HMG20A: variants seen among roughly 807,000 people sequenced by gnomAD.
HMG20A encodes high mobility group protein 20A.
A neutral mutation model predicts 43.9 loss-of-function variants in HMG20A; 17 were observed. That is an observed-to-expected ratio of 0.39 (90% confidence interval 0.27 to 0.58). HMG20A has a LOEUF of 0.58. HMG20A is among the 20% of genes least tolerant of loss of function. HMG20A has a pLI of 0.59. For synonymous variants in HMG20A, 132 were observed against 147.5 expected (o/e 0.89, Z 0.76); for missense variants, 341 against 438.2 (o/e 0.78, Z 1.98).
chr15:77,488,019 T>C (rs2072954709), downstream of HMG20A, among the ~76,000 whole-genome samples: 2 of 152,174 alleles, frequency 1.3e-5, no homozygotes, highest in African/African-American at 4.8e-5. Flanking sequence ...GGTAGAAATG[T>C]AAATTCTCTT....
At chr15:77,439,547 T>C (rs1298503352) in intron 1 of HMG20A, among the ~76,000 whole-genome samples, 2 of 152,204 alleles carry the variant, frequency 1.3e-5, no homozygotes, top group Non-Finnish European at 2.9e-5. Context: ...ATGAAATTCA[T>C]CCATGTTGCA....
chr15:77,483,318 T>C lies in HMG20A; in HGVS notation c.*355T>C, dbSNP rs1282734399. ...TCTGCTGCTGCAGAAAGGAAGACTT[T>C]TCATTGTAATTTCGCTTAGACCCTT... On this transcript the variant is annotated 3_prime_UTR_variant, in exon 10 of 10. Transcript: ENST00000336216. 1 of 152,250 alleles carries C rather than the reference T, an allele frequency of 6.6e-6. No individual in the cohort carries two copies. Among genetic ancestry groups the C allele is most frequent in the African/African-American group, 2.4e-5 (1 of 41,456 alleles). The allele number at this position is 152,250 out of a possible 1,614,324, so 9.4% of individuals were successfully genotyped here.
intron 2 of HMG20A, among the ~76,000 whole-genome samples, chr15:77,461,264 A>C (rs529655633): frequency 6.6e-6 from 1 of 152,306 alleles, no homozygotes; most frequent in East Asian, 1.9e-4. Context: ...AAGTGGACTT[A>C]AGGGAGGAGA....
chr15:77,430,689 C>T (rs771684285), intron 1 of HMG20A, among the ~76,000 whole-genome samples: 2 of 152,106 alleles, frequency 1.3e-5, no homozygotes, highest in Non-Finnish European at 2.9e-5. Context: ...GGTCAAGATC[C>T]CTAGAGAAGG....
the HMG20A span, among the ~76,000 whole-genome samples, chr15:77,511,728 T>C: frequency 6.6e-6 from 1 of 152,124 alleles, no homozygotes; most frequent in Non-Finnish European, 1.5e-5. Context: ...CTCACACCCA[T>C]TAGGATGGCT....
chr15:77,486,207 C>G (rs1176816026), downstream of HMG20A, among the ~76,000 whole-genome samples: 1 of 151,644 alleles, frequency 6.6e-6, no homozygotes, highest in Non-Finnish European at 1.5e-5. Context: ...CTCTGATGTC[C>G]CCTTGATAGA....
At chr15:77,427,279 T>C (rs1007002281) in intron 1 of HMG20A, among the ~76,000 whole-genome samples, 1 of 152,152 alleles carries the variant, frequency 6.6e-6, no homozygotes, top group African/African-American at 2.4e-5. Flanking sequence ...AGGTATTCAT[T>C]TGAAGAAATA....
the HMG20A span, among the ~76,000 whole-genome samples, chr15:77,505,430 T>C: frequency 6.6e-6 from 1 of 152,156 alleles, no homozygotes; most frequent in Admixed American, 6.5e-5. Context: ...AGCAAGACCC[T>C]GGCAAGGTCG....
At chr15:77,442,912 G>C (rs1283117294) in intron 1 of HMG20A, among the ~76,000 whole-genome samples, 1 of 151,972 alleles carries the variant, frequency 6.6e-6, no homozygotes, top group African/African-American at 2.4e-5. Context: ...GATCCTTGAT[G>C]GCACTTTTCC....
chr15:77,463,126 T>A (rs2072721060), intron 2 of HMG20A, among the ~76,000 whole-genome samples: 1 of 152,166 alleles, frequency 6.6e-6, no homozygotes, highest in South Asian at 2.1e-4. Flanking sequence ...CCTGCCTGCC[T>A]TTGTGTCTCA....
chr15:77,483,633 C>G lies in HMG20A; in HGVS notation c.*670C>G, dbSNP rs561681839. 2 of 152,850 alleles carry G rather than the reference C, an allele frequency of 1.3e-5. No homozygotes were observed. The highest frequency in any genetic ancestry group is 4.8e-5 in the African/African-American group (2 of 41,562). The allele number at this position is 152,850 out of a possible 1,614,324, so 9.5% of individuals were successfully genotyped here. A position where few individuals can be genotyped will look rare whatever the true frequency, so the allele number is the denominator to read the frequency against. ...ACACGGTGCTCAGTGGGTGCCAGCC[C>G]TCAGTGTGGCTTTGTGATTGCTGCC... On this transcript the variant is annotated 3_prime_UTR_variant, in exon 10 of 10. Transcript: ENST00000336216.
At chr15:77,422,341 A>C (rs894736749) in intron 1 of HMG20A, among the ~76,000 whole-genome samples, 2 of 152,142 alleles carry the variant, frequency 1.3e-5, no homozygotes, top group Non-Finnish European at 2.9e-5. Context: ...TTTTTTTAAA[A>C]AGCTGTTTGG....
chr15:77,424,766 T>C (rs1377080742), intron 1 of HMG20A, among the ~76,000 whole-genome samples: 1 of 152,154 alleles, frequency 6.6e-6, no homozygotes, highest in African/African-American at 2.4e-5. Context: ...TTAGAAGATA[T>C]ACAAAATAGA....
intron 4 of HMG20A, among the ~76,000 whole-genome samples, chr15:77,469,725 T>TGGC (rs1323099934): frequency 6.6e-6 from 1 of 152,184 alleles, no homozygotes; most frequent in Non-Finnish European, 1.5e-5. Context: ...TGGAGTGCGG[T>TGGC]GGCACACTCT....
chr15:77,433,645 A>C (rs1174022852), intron 1 of HMG20A, among the ~76,000 whole-genome samples: 1 of 152,258 alleles, frequency 6.6e-6, no homozygotes, highest in East Asian at 1.9e-4. Flanking sequence ...ACGAGCAACC[A>C]ACAGTTAGAA....
intron 4 of HMG20A, among the ~76,000 whole-genome samples, chr15:77,468,597 TCA>T (rs141417839): frequency 0.27 from 40,493 of 147,410 alleles, 6,011 homozygotes; most frequent in Middle Eastern, 0.36. Context: ...TCTCTCTCTG[TCA>T]CACACACACA....
At position 77,467,844 on chromosome 15, in the gene HMG20A, A is replaced by G. The variant is rs149985522; in HGVS notation, c.450+537A>G. Among the ~76,000 whole-genome samples, 469 of 152,360 alleles carry G rather than the reference A, an allele frequency of 3.1e-3. 2 individuals are homozygous for G. Among genetic ancestry groups the G allele is most frequent in the African/African-American group, 0.011 (451 of 41,592 alleles). On this transcript the variant is annotated intron_variant, in intron 4 of 9. Coordinates refer to ENST00000336216, the MANE Select transcript of HMG20A (RefSeq NM_001304504.2). ...TGGGCAAACTGAAATGAATCCGTTCATTAGAGAGATTTGAAAGGAATTAAG... is the reference window on the plus strand; with the variant it reads ...TGGGCAAACTGAAATGAATCCGTTCGTTAGAGAGATTTGAAAGGAATTAAG...
downstream of HMG20A, among the ~76,000 whole-genome samples, chr15:77,487,972 C>A (rs1037793599): frequency 1.3e-5 from 2 of 152,108 alleles, no homozygotes; most frequent in Non-Finnish European, 2.9e-5. Context: ...TTAGTTTTCA[C>A]AAGACTATGT....
intron 1 of HMG20A, among the ~76,000 whole-genome samples, chr15:77,432,460 G>A (rs1435400459): frequency 6.6e-6 from 1 of 152,102 alleles, no homozygotes; most frequent in Non-Finnish European, 1.5e-5. Context: ...AGTGGCTCAC[G>A]CCTGTAATCT....
Sources: gnomAD v4.1 joint callset for allele counts (sites outside exome capture counted in the v4.1 genomes callset) on GRCh38, gnomAD v4.1.1 for gene constraint, MANE v1.5 for transcripts, NCBI Gene and HGNC (gene_info 2026-07-23, HGNC 2026-07-21) for gene names.